NKD1: variants seen among roughly 807,000 people sequenced by gnomAD.
NKD1 encodes protein naked cuticle homolog 1.
NKD1 carries 21 observed loss-of-function variants against 56.0 expected under a neutral mutation model. The observed-to-expected ratio is 0.38, with a 90% CI of 0.27 to 0.54. The LOEUF is 0.54. NKD1 is among the 20% of genes least tolerant of loss of function. The pLI is 0.82. For missense variants in NKD1, 578 were observed against 642.7 expected, an observed-to-expected ratio of 0.90 and a Z score of 1.09; for synonymous variants, 263 against 265.7, an observed-to-expected ratio of 0.99 and a Z score of 0.10.
intron 3 of NKD1, among the ~76,000 whole-genome samples, chr16:50,550,243 C>G (rs1301312222): frequency 6.6e-6 from 1 of 152,150 alleles, no homozygotes; most frequent in Non-Finnish European, 1.5e-5. Context: ...ACTTGGCGTT[C>G]ACAGATGTCC....
In NKD1 at chr16:50,575,134, A is replaced by G. The variant is rs1402817960; in HGVS notation, c.192+25579A>G. ...TCCTTTAGCCAAGAAGTATATTCTA[A>G]GATTTATTAGATTCTCTACTGCCCT... On this transcript the variant is annotated intron_variant, in intron 3 of 9. Transcript: ENST00000268459. The G allele has an allele frequency of 9.1e-6, 9 of 984,648 alleles. No homozygotes were observed. The African/African-American group carries it at 1.6e-4, about 17-fold the overall frequency. 61.0% of individuals were successfully genotyped at this position (984,648 alleles called of 1,614,324 possible). A position where few individuals can be genotyped will look rare whatever the true frequency, so the allele number is the denominator to read the frequency against.
chr16:50,617,189 G>A (rs1267604187), intron 4 of NKD1, among the ~76,000 whole-genome samples: 1 of 152,156 alleles, frequency 6.6e-6, no homozygotes, highest in African/African-American at 2.4e-5. Flanking sequence ...CTCCCATTGG[G>A]CCCATGGGGA....
chr16:50,575,323 A>C, intron 3 of NKD1: 1 of 985,400 alleles, frequency 1.0e-6, no homozygotes, highest in Non-Finnish European at 1.2e-6. Flanking sequence ...CGGGTGGTTC[A>C]CAAGTGTTTG....
chr16:50,596,619 T>C (rs1346789299), intron 3 of NKD1, among the ~76,000 whole-genome samples: 4 of 152,232 alleles, frequency 2.6e-5, no homozygotes, highest in East Asian at 1.9e-4. Context: ...TTCAAGAAAA[T>C]GCAGGGCGTG....
chr16:50,592,965 C>G (rs1181411926), intron 3 of NKD1, among the ~76,000 whole-genome samples: 2 of 152,156 alleles, frequency 1.3e-5, no homozygotes, highest in East Asian at 3.8e-4. Flanking sequence ...GGTTAAGGCA[C>G]TAGCATTATA....
chr16:50,589,737 C>T (rs1961313331), intron 3 of NKD1, among the ~76,000 whole-genome samples: 1 of 103,706 alleles, frequency 9.6e-6, no homozygotes, highest in Non-Finnish European at 1.9e-5. Context: ...CTCTTCTCTT[C>T]TCTTCTCTTC....
intron 3 of NKD1, among the ~76,000 whole-genome samples, chr16:50,575,987 C>G (rs1960986034): frequency 6.6e-6 from 1 of 152,170 alleles, no homozygotes; most frequent in Non-Finnish European, 1.5e-5. Flanking sequence ...GACCTTGGCC[C>G]CAAATGTAAA....
At chr16:50,615,190 C>G (rs935966289) in intron 4 of NKD1, among the ~76,000 whole-genome samples, 1 of 152,258 alleles carries the variant, frequency 6.6e-6, no homozygotes, top group East Asian at 1.9e-4. Flanking sequence ...AGTGGACAGG[C>G]CAGTGGTTGA....
At chr16:50,607,529 C>G (rs1340287998) in intron 3 of NKD1, 1 of 156,702 alleles carries the variant, frequency 6.4e-6, no homozygotes, top group Non-Finnish European at 1.4e-5. Context: ...TCTGTCCTCC[C>G]ATAACAGGAG....
rs1962636212 is a variant in NKD1 at position 50,644,306 on chromosome 16, G to A, written c.*10525G>A. 1 of 152,240 alleles carries A rather than the reference G, an allele frequency of 6.6e-6. No individual in the cohort carries two copies. Among genetic ancestry groups the A allele is most frequent in the South Asian group, 2.1e-4 (1 of 4,832 alleles). The allele number at this position is 152,240 out of a possible 1,614,324, so 9.4% of individuals were successfully genotyped here. A position where few individuals can be genotyped will look rare whatever the true frequency, so the allele number is the denominator to read the frequency against. ...CACCAGATTATCTTATAATCCCAAA[G>A]GCCCAGCAAAGACAGGTGCTTGTTC... On this transcript the variant is annotated 3_prime_UTR_variant, in exon 10 of 10. Transcript: ENST00000268459.
chr16:50,591,734 C>T (rs924988301), intron 3 of NKD1, among the ~76,000 whole-genome samples: 7 of 152,162 alleles, frequency 4.6e-5, no homozygotes, highest in South Asian at 2.1e-4. Context: ...GATTGAAGCA[C>T]GGAGCCAGTG....
intron 4 of NKD1, among the ~76,000 whole-genome samples, chr16:50,619,574 A>G (rs1238515620): frequency 6.6e-6 from 1 of 152,178 alleles, no homozygotes; most frequent in African/African-American, 2.4e-5. Flanking sequence ...CAGTTTTGAG[A>G]AAACTTAGCT....
intron 4 of NKD1, among the ~76,000 whole-genome samples, chr16:50,621,202 G>A (rs948513948): frequency 6.6e-6 from 1 of 152,262 alleles, no homozygotes; most frequent in Non-Finnish European, 1.5e-5. Context: ...AGGCCAAAAT[G>A]TCAACACAGA....
chr16:50,559,871 G>A (rs1960585592), intron 3 of NKD1, among the ~76,000 whole-genome samples: 1 of 152,134 alleles, frequency 6.6e-6, no homozygotes, highest in African/African-American at 2.4e-5. Flanking sequence ...TAGCAGGATG[G>A]GGCTGTCTTC....
chr16:50,613,049 G>C (rs551926668), intron 4 of NKD1, among the ~76,000 whole-genome samples: 1 of 152,098 alleles, frequency 6.6e-6, no homozygotes, highest in South Asian at 2.1e-4. Context: ...TGGTGAGAAG[G>C]GGGTTGAGGG....
In NKD1 at chr16:50,572,216, A is replaced by G. The variant is rs1369794629; in HGVS notation, c.192+22661A>G. On this transcript the variant is annotated intron_variant, in intron 3 of 9. Transcript: ENST00000268459. ...GACTTATTCATGTGGCAGTTGAGTT[A>G]CTGCTCACCTCCCACAGGAACAGCA... Among the ~76,000 whole-genome samples, 4 of 152,114 alleles carry G rather than the reference A, an allele frequency of 2.6e-5. No individual in the cohort carries two copies. The East Asian group carries it at 7.7e-4, about 29-fold the overall frequency.
chr16:50,560,335 T>C (rs1054091252), intron 3 of NKD1, among the ~76,000 whole-genome samples: 2 of 152,152 alleles, frequency 1.3e-5, no homozygotes, highest in East Asian at 3.9e-4. Flanking sequence ...CCGTGCTGAG[T>C]CTGGGAGCTG....
intron 3 of NKD1, among the ~76,000 whole-genome samples, chr16:50,559,962 C>A (rs1199029767): frequency 6.6e-6 from 1 of 152,144 alleles, no homozygotes; most frequent in Non-Finnish European, 1.5e-5. Context: ...CTGGTGGGCC[C>A]CTCACTCAGA....
intron 3 of NKD1, chr16:50,566,173 T>G: frequency 1.0e-6 from 1 of 985,392 alleles, no homozygotes; most frequent in African/African-American, 1.7e-5. Context: ...GTTGGGACCT[T>G]TTGGATTTCA....
Sources: gnomAD v4.1 joint callset for allele counts (sites outside exome capture counted in the v4.1 genomes callset) on GRCh38, gnomAD v4.1.1 for gene constraint, MANE v1.5 for transcripts, NCBI Gene and HGNC (gene_info 2026-07-23, HGNC 2026-07-21) for gene names.